Variants in STXBP5L observed in about 807,000 individuals in gnomAD.
The protein encoded by STXBP5L is syntaxin-binding protein 5-like.
In STXBP5L, 65 loss-of-function variants were observed where a neutral mutation model predicts 144.5. The observed-to-expected ratio is 0.45, with a 90% CI of 0.37 to 0.55. The LOEUF is 0.55. STXBP5L is among the 20% of genes least tolerant of loss of function. STXBP5L has a pLI of 0.00. For synonymous variants in STXBP5L, 505 were observed against 469.6 expected (o/e 1.08, Z -0.97); for missense variants, 1,298 against 1,405.5 (o/e 0.92, Z 1.22).
intron 19 of STXBP5L, among the ~76,000 whole-genome samples, chr3:121,313,745 C>CA (rs1414148722): frequency 7.7e-6 from 1 of 130,558 alleles, no homozygotes; most frequent in Non-Finnish European, 1.7e-5. Flanking sequence ...TGACCCCCCC[C>CA]ACCTCCCTCC....
intron 5 of STXBP5L, among the ~76,000 whole-genome samples, chr3:121,090,528 C>G (rs898678579): frequency 1.3e-5 from 2 of 152,124 alleles, no homozygotes; most frequent in East Asian, 3.9e-4. Flanking sequence ...ACTTCCATAC[C>G]TCTGCCAGAA....
At chr3:121,249,178 G>A (rs1021705353) in intron 14 of STXBP5L, among the ~76,000 whole-genome samples, 6 of 151,962 alleles carry the variant, frequency 3.9e-5, no homozygotes, top group Non-Finnish European at 8.8e-5. Flanking sequence ...GAGGAATGAT[G>A]TTTGTAGTTT....
intron 20 of STXBP5L, among the ~76,000 whole-genome samples, chr3:121,341,142 G>A (rs1411190617): frequency 6.6e-6 from 1 of 151,982 alleles, no homozygotes; most frequent in East Asian, 1.9e-4. Context: ...GAATATATAA[G>A]GAGCTCAAAC....
intron 3 of STXBP5L, among the ~76,000 whole-genome samples, chr3:121,030,020 A>G (rs1010326764): frequency 6.6e-6 from 1 of 152,230 alleles, no homozygotes; most frequent in South Asian, 2.1e-4. Flanking sequence ...TTAAAAAGTC[A>G]GGAAACGACA....
chr3:121,376,869 G>A (rs1251639841), intron 20 of STXBP5L, among the ~76,000 whole-genome samples: 1 of 152,156 alleles, frequency 6.6e-6, no homozygotes, highest in Non-Finnish European at 1.5e-5. Context: ...AGCATGGAAT[G>A]TTTTTCCATT....
intron 5 of STXBP5L, among the ~76,000 whole-genome samples, chr3:121,093,365 A>G (rs1262637521): frequency 2.0e-5 from 3 of 152,012 alleles, no homozygotes; most frequent in African/African-American, 7.3e-5. Flanking sequence ...TCCTCCTTGT[A>G]CCTCTGATAG....
intron 2 of STXBP5L, among the ~76,000 whole-genome samples, chr3:120,927,782 T>C (rs1317797080): frequency 6.6e-6 from 1 of 152,208 alleles, no homozygotes; most frequent in Non-Finnish European, 1.5e-5. Flanking sequence ...GTTTAGGTTT[T>C]CTGTATGGGC....
chr3:121,210,289 T>G (rs544134822), intron 10 of STXBP5L, among the ~76,000 whole-genome samples: 89 of 152,346 alleles, frequency 5.8e-4, no homozygotes, highest in Non-Finnish European at 1.0e-3. Context: ...TTGTTTGTTT[T>G]TTTCTTGTAA....
intron 19 of STXBP5L, among the ~76,000 whole-genome samples, chr3:121,310,799 C>G (rs1160870725): frequency 1.3e-5 from 2 of 151,852 alleles, no homozygotes; most frequent in East Asian, 3.9e-4. Flanking sequence ...ATCCCAGCTA[C>G]TTGGGAGGCT....
In STXBP5L at chr3:121,235,840, CAT is replaced by C. The variant is rs1491306716; in HGVS notation, c.1184+2154_1184+2155del. Reference sequence around the variant, plus strand: ...GAACACACACACACACACACACACACATACACACACACACACACACACACTAT... The same window carrying C: ...GAACACACACACACACACACACACACACACACACACACACACACACACTAT... On this transcript the variant is annotated intron_variant, in intron 12 of 26. Coordinates refer to ENST00000471454, the MANE Select transcript of STXBP5L (RefSeq NM_001308330.2). 2.7e-3 allele frequency among the ~76,000 whole-genome samples: 380 copies of C among 138,378 alleles called. 1 individual carries two copies. The highest frequency in any genetic ancestry group is 0.011 in the Middle Eastern group (3 of 280). 90.8% of individuals were successfully genotyped at this position (138,378 alleles called of 152,430 possible). A position where few individuals can be genotyped will look rare whatever the true frequency, so the allele number is the denominator to read the frequency against.
chr3:121,007,001 C>G (rs937711147), intron 3 of STXBP5L, among the ~76,000 whole-genome samples: 15 of 152,076 alleles, frequency 9.9e-5, no homozygotes, highest in Admixed American at 2.6e-4. Flanking sequence ...TTCATTTCAA[C>G]TTTGGTGAAT....
intron 5 of STXBP5L, among the ~76,000 whole-genome samples, chr3:121,091,426 C>T (rs1185306981): frequency 4.0e-5 from 6 of 151,840 alleles, no homozygotes; most frequent in Non-Finnish European, 1.5e-5. Flanking sequence ...TTCTCCACAT[C>T]CTCTCCAGCA....
intron 3 of STXBP5L, among the ~76,000 whole-genome samples, chr3:120,972,563 C>A (rs952441822): frequency 6.6e-6 from 1 of 151,874 alleles, no homozygotes; most frequent in Non-Finnish European, 1.5e-5. Flanking sequence ...CCTCTTATTT[C>A]TTTCTCTCTT....
At chr3:121,184,305 T>G (rs1004866111) in intron 9 of STXBP5L, among the ~76,000 whole-genome samples, 1 of 98,052 alleles carries the variant, frequency 1.0e-5, no homozygotes, top group Non-Finnish European at 2.1e-5. Context: ...TGTAAGGAAG[T>G]TAAGAACCTT....
At chr3:121,338,191 G>C (rs529816843) in intron 20 of STXBP5L, among the ~76,000 whole-genome samples, 82 of 151,996 alleles carry the variant, frequency 5.4e-4, no homozygotes, top group Non-Finnish European at 9.4e-4. Flanking sequence ...CAGAATAAAA[G>C]AAATTATAAA....
At chr3:121,230,474 C>T (rs1026867558) in intron 11 of STXBP5L, among the ~76,000 whole-genome samples, 6 of 139,084 alleles carry the variant, frequency 4.3e-5, no homozygotes, top group Non-Finnish European at 6.1e-5. Context: ...TTGTCTATAT[C>T]GGGCAAATAT....
chr3:120,977,200 A>G (rs1349790591), intron 3 of STXBP5L, among the ~76,000 whole-genome samples: 4 of 152,140 alleles, frequency 2.6e-5, no homozygotes, highest in Non-Finnish European at 5.9e-5. Context: ...GTAGGTCAGT[A>G]AGGACTTGCT....
At chr3:121,007,097 G>T (rs1273591580) in intron 3 of STXBP5L, among the ~76,000 whole-genome samples, 2 of 152,080 alleles carry the variant, frequency 1.3e-5, no homozygotes, top group Non-Finnish European at 2.9e-5. Flanking sequence ...ATATTGGCCT[G>T]TCTTGCTAGA....
At chr3:120,983,854 T>G (rs1942037056) in intron 3 of STXBP5L, among the ~76,000 whole-genome samples, 1 of 152,182 alleles carries the variant, frequency 6.6e-6, no homozygotes, top group Non-Finnish European at 1.5e-5. Context: ...AGACAATCCA[T>G]TCAAAGTGTG....
Sources: allele counts gnomAD v4.1 joint callset (sites outside exome capture counted in the v4.1 genomes callset), GRCh38; gene constraint gnomAD v4.1.1; transcripts MANE v1.5; gene names NCBI Gene and HGNC (gene_info 2026-07-23, HGNC 2026-07-21).